PRKAR2B: variants seen among roughly 807,000 people sequenced by gnomAD.
The protein encoded by PRKAR2B is protein kinase cAMP-dependent type II regulatory subunit beta, also known as cAMP-dependent protein kinase type II-beta regulatory subunit.
A neutral mutation model predicts 49.9 loss-of-function variants in PRKAR2B; 14 were observed. The ratio of observed to expected loss-of-function variants is 0.28; its 90% confidence interval spans 0.19 to 0.44. The LOEUF is 0.44. Ranked by LOEUF, PRKAR2B falls within the 20% of genes least tolerant of loss-of-function variation. PRKAR2B has a pLI of 1.00. For synonymous variants in PRKAR2B, 196 were observed against 197.7 expected, an observed-to-expected ratio of 0.99 and a Z score of 0.07; for missense variants, 393 against 537.9, an observed-to-expected ratio of 0.73 and a Z score of 2.67.
At chr7:107,066,511 C>CT (rs1307419076) in intron 1 of PRKAR2B, 2 of 152,018 alleles carry the variant, frequency 1.3e-5, no homozygotes, top group African/African-American at 4.8e-5. Context: ...ACTAAATAAG[C>CT]GTCAGTCTCT....
Position 107,076,682 on chromosome 7 carries a change from C to G in PRKAR2B, c.343+6366C>G, listed in dbSNP as rs572831073. On this transcript the variant is annotated intron_variant, in intron 2 of 10. Transcript: ENST00000265717. ...GATTTTCTTTTCTCATGTAGTTAAC[C>G]ACTCTTTAATTTTTTGCCATAGTAT... Among the ~76,000 whole-genome samples, 5 of 152,116 alleles carry G rather than the reference C, an allele frequency of 3.3e-5. No individual in the cohort carries two copies. The South Asian group carries it at 1.0e-3, about 32-fold the overall frequency.
At chr7:107,105,007 G>A (rs772569002) in intron 2 of PRKAR2B, among the ~76,000 whole-genome samples, 1 of 152,156 alleles carries the variant, frequency 6.6e-6, no homozygotes, top group African/African-American at 2.4e-5. Context: ...GGGATGTTAC[G>A]TGGGTACTGA....
At chr7:107,135,878 A>T (rs762859100) in intron 4 of PRKAR2B, among the ~76,000 whole-genome samples, 16 of 152,194 alleles carry the variant, frequency 1.1e-4, no homozygotes, top group Non-Finnish European at 1.9e-4. Flanking sequence ...GAGCTAACAC[A>T]ATATTGAAGG....
chr7:107,054,356 C>A (rs1353603331), intron 1 of PRKAR2B, among the ~76,000 whole-genome samples: 1 of 151,896 alleles, frequency 6.6e-6, no homozygotes, highest in Non-Finnish European at 1.5e-5. Flanking sequence ...CAAAACAAAA[C>A]AACAAAACAA....
chr7:107,135,898 A>C (rs545378474), intron 4 of PRKAR2B, among the ~76,000 whole-genome samples: 1 of 152,320 alleles, frequency 6.6e-6, no homozygotes, highest in African/African-American at 2.4e-5. Flanking sequence ...GAAAAGAACA[A>C]AGTTAAAGTA....
intron 2 of PRKAR2B, among the ~76,000 whole-genome samples, chr7:107,081,016 A>C (rs1212147575): frequency 6.6e-6 from 1 of 152,228 alleles, no homozygotes; most frequent in Non-Finnish European, 1.5e-5. Context: ...ACACATTTTG[A>C]GTGCAAAATA....
intron 1 of PRKAR2B, among the ~76,000 whole-genome samples, chr7:107,046,869 A>G (rs1793709549): frequency 6.6e-6 from 1 of 152,290 alleles, no homozygotes; most frequent in Admixed American, 6.5e-5. Flanking sequence ...TGTTGTTAAT[A>G]TAATCAAAAT....
rs1796171888 is a variant in PRKAR2B, at chr7:107,160,079, G to A, written c.*497G>A. 1 of 152,810 alleles carries A rather than the reference G, an allele frequency of 6.5e-6. No individual in the cohort carries two copies. The highest frequency in any genetic ancestry group is 2.4e-5 in the African/African-American group (1 of 41,436). The allele number at this position is 152,810 out of a possible 1,614,324, so 9.5% of individuals were successfully genotyped here. A position where few individuals can be genotyped will look rare whatever the true frequency, so the allele number is the denominator to read the frequency against. On this transcript the variant is annotated 3_prime_UTR_variant, in exon 11 of 11. Coordinates refer to ENST00000265717, the MANE Select transcript of PRKAR2B (RefSeq NM_002736.3). ...GTTTTAAAGTTTTCTAGCTTGATAAGTTATGTGCTGGCCTTGGCCTATTGG... is the reference window on the plus strand; with the variant it reads ...GTTTTAAAGTTTTCTAGCTTGATAAATTATGTGCTGGCCTTGGCCTATTGG...
chr7:107,119,896 T>C (rs1795357077), intron 2 of PRKAR2B, among the ~76,000 whole-genome samples: 1 of 152,206 alleles, frequency 6.6e-6, no homozygotes, highest in Non-Finnish European at 1.5e-5. Context: ...GTTACGTTTC[T>C]GAGACTGAAG....
chr7:107,051,152 T>G (rs1793792380), intron 1 of PRKAR2B, among the ~76,000 whole-genome samples: 1 of 152,248 alleles, frequency 6.6e-6, no homozygotes, highest in Admixed American at 6.5e-5. Flanking sequence ...ATACAACTGT[T>G]GCCAACATTT....
chr7:107,054,146 G>A (rs112203311), intron 1 of PRKAR2B, among the ~76,000 whole-genome samples: 10,092 of 152,082 alleles, frequency 0.066, 484 homozygotes, highest in South Asian at 0.16. Context: ...TCAGGAAATC[G>A]AGACCATCCT....
chr7:107,128,301 A>G lies in PRKAR2B; in HGVS notation c.480+6A>G. 2.5e-6 allele frequency: 4 copies of G among 1,584,186 alleles called. No homozygotes were observed. The highest frequency in any genetic ancestry group is 1.7e-4 in the Middle Eastern group (1 of 6,010). On this transcript the variant is annotated splice_donor_region_variant and intron_variant, in intron 4 of 10. Transcript: ENST00000265717. The stretch of plus-strand genomic sequence containing the variant: ...TGTTTAAGAATCTGGATCCGGTAAG[A>G]TAAATCTTAATAATAGAAATGGCTT...
chr7:107,087,143 G>A (rs1794636226), intron 2 of PRKAR2B, among the ~76,000 whole-genome samples: 2 of 151,850 alleles, frequency 1.3e-5, no homozygotes, highest in African/African-American at 4.8e-5. Context: ...ACTTAAGATT[G>A]ATTTTAGATT....
chr7:107,072,983 A>G (rs1330445270), intron 2 of PRKAR2B, among the ~76,000 whole-genome samples: 5 of 152,210 alleles, frequency 3.3e-5, no homozygotes, highest in African/African-American at 1.2e-4. Flanking sequence ...ACAACAGTAA[A>G]TGCTATATGT....
At chr7:107,056,392 TA>T (rs1206825944) in intron 1 of PRKAR2B, among the ~76,000 whole-genome samples, 1 of 152,224 alleles carries the variant, frequency 6.6e-6, no homozygotes, top group Non-Finnish European at 1.5e-5. Flanking sequence ...ATTGAATCTA[TA>T]AATTACCTTG....
intron 6 of PRKAR2B, among the ~76,000 whole-genome samples, chr7:107,148,436 G>A (rs945984427): frequency 6.6e-5 from 10 of 152,106 alleles, no homozygotes; most frequent in South Asian, 2.1e-4. Context: ...CCTAGTGCAC[G>A]TACTACTTAA....
chr7:107,110,660 C>G (rs534265128), intron 2 of PRKAR2B, among the ~76,000 whole-genome samples: 2 of 151,980 alleles, frequency 1.3e-5, no homozygotes, highest in South Asian at 4.2e-4. Context: ...CTAGACATAC[C>G]CAGGGCCAGA....
At chr7:107,068,625 T>C (rs1794200338) in intron 1 of PRKAR2B, 1 of 152,172 alleles carries the variant, frequency 6.6e-6, no homozygotes, top group Non-Finnish European at 1.5e-5. Flanking sequence ...TGTATGTCTT[T>C]CAGTCACTTT....
chr7:107,143,168 A>G (rs1287916522), intron 5 of PRKAR2B, among the ~76,000 whole-genome samples: 8 of 152,232 alleles, frequency 5.3e-5, no homozygotes, highest in Admixed American at 3.9e-4. Flanking sequence ...CCCTATTCAA[A>G]GTAGCCGAGT....
Sources: gnomAD v4.1 joint callset for allele counts (sites outside exome capture counted in the v4.1 genomes callset) on GRCh38, gnomAD v4.1.1 for gene constraint, MANE v1.5 for transcripts, NCBI Gene and HGNC (gene_info 2026-07-23, HGNC 2026-07-21) for gene names.